SUPT3H: variants seen among roughly 807,000 people sequenced by gnomAD.
SUPT3H encodes the protein SPT3 homolog, SAGA and STAGA complex component.
In SUPT3H, 44 loss-of-function variants were observed where a neutral mutation model predicts 44.3. The observed-to-expected ratio is 0.99, with a 90% CI of 0.78 to 1.28. SUPT3H has a LOEUF of 1.28. Among genes scored for constraint, SUPT3H ranks in the 50% most tolerant of loss-of-function variants. The pLI is 0.00. For synonymous variants in SUPT3H, 124 were observed against 125.6 expected (o/e 0.99, Z 0.09); for missense variants, 380 against 387.1 (o/e 0.98, Z 0.15).
chr6:44,879,634 G>A (rs1777887943), intron 10 of SUPT3H, among the ~76,000 whole-genome samples: 1 of 149,028 alleles, frequency 6.7e-6, no homozygotes, highest in Admixed American at 6.7e-5. Flanking sequence ...CTGACTTGGA[G>A]ACAACTCCCA....
intron 2 of SUPT3H, among the ~76,000 whole-genome samples, chr6:45,133,365 T>C (rs767175680): frequency 6.6e-6 from 1 of 152,226 alleles, no homozygotes; most frequent in Non-Finnish European, 1.5e-5. Flanking sequence ...AAATACAGAA[T>C]ATTCTGATGT....
rs1450103688 is a variant in SUPT3H at position 44,828,480 on chromosome 6, GT to G, written c.*1335del. ...GCCTCATAATTCTTTGAGTCTGATGGTTTTCAAATAAAAAGTCTTGAATTTA... is the reference window on the plus strand; with the variant it reads ...GCCTCATAATTCTTTGAGTCTGATGGTTTCAAATAAAAAGTCTTGAATTTA... On this transcript the variant is annotated 3_prime_UTR_variant, in exon 11 of 11. Transcript: ENST00000371459. 2.0e-5 allele frequency among the ~76,000 whole-genome samples: 3 copies of G among 152,132 alleles called. No homozygotes were observed. In the South Asian group the frequency reaches 6.2e-4, roughly 31 times the overall value.
intron 2 of SUPT3H, among the ~76,000 whole-genome samples, chr6:45,168,700 G>C (rs1316075619): frequency 6.6e-6 from 1 of 152,192 alleles, no homozygotes; most frequent in Non-Finnish European, 1.5e-5. Context: ...ATCTGGGCCA[G>C]AGAAAGTTGG....
At chr6:44,945,872 T>C (rs1177826608) in intron 9 of SUPT3H, among the ~76,000 whole-genome samples, 1 of 152,162 alleles carries the variant, frequency 6.6e-6, no homozygotes, top group Non-Finnish European at 1.5e-5. Context: ...GTAGATGAAA[T>C]GGCTATTAGA....
rs1777963698 is a variant in SUPT3H, at chr6:45,281,086, TA to T, written c.101+84114del. ...ACTTATAAAAGACTGTTTTAGTTTT[TA>T]ATATCTTTAAAAATTTATGAGGGGT... On this transcript the variant is annotated intron_variant, in intron 2 of 10. Coordinates refer to ENST00000371459, the MANE Select transcript of SUPT3H (RefSeq NM_003599.4). Among the ~76,000 whole-genome samples the T allele has an allele frequency of 2.0e-5, 3 of 152,360 alleles. No individual in the cohort carries two copies. In the South Asian group the frequency reaches 6.2e-4, roughly 32 times the overall value.
intron 10 of SUPT3H, among the ~76,000 whole-genome samples, chr6:44,903,107 CACAATTAAA>C (rs1441877578): frequency 6.6e-6 from 1 of 152,082 alleles, no homozygotes; most frequent in Non-Finnish European, 1.5e-5. Context: ...ACCCTAACAT[CACAATTAAA>C]AGAACTAGAG....
intron 10 of SUPT3H, among the ~76,000 whole-genome samples, chr6:44,839,707 T>C (rs980564009): frequency 6.6e-6 from 1 of 152,096 alleles, no homozygotes; most frequent in Non-Finnish European, 1.5e-5. Context: ...CACCAGTTTT[T>C]TTTTTCTTTT....
rs562584404 is a variant in SUPT3H at position 44,872,509 on chromosome 6, G to T, written c.913-42652C>A. ...AGCTCCTGAAGGAAGTGCTAAACAT[G>T]GAAAGGAACAACCGGTACCAGCCAC... is the stretch of plus-strand genomic sequence containing the variant. On this transcript the variant is annotated intron_variant, in intron 10 of 10. Coordinates refer to ENST00000371459, the MANE Select transcript of SUPT3H (RefSeq NM_003599.4). Among the ~76,000 whole-genome samples, 588 of 151,850 alleles carry T rather than the reference G, an allele frequency of 3.9e-3. 6 individuals carry two copies. Among genetic ancestry groups the T allele is most frequent in the African/African-American group, 0.014 (560 of 41,424 alleles).
chr6:44,918,060 A>C (rs1041696575), intron 10 of SUPT3H, among the ~76,000 whole-genome samples: 2 of 152,156 alleles, frequency 1.3e-5, no homozygotes, highest in Non-Finnish European at 2.9e-5. Context: ...GTATCTCTAG[A>C]AAATTAGTTC....
intron 10 of SUPT3H, among the ~76,000 whole-genome samples, chr6:44,900,986 A>T (rs535915310): frequency 6.6e-6 from 1 of 152,346 alleles, no homozygotes; most frequent in South Asian, 2.1e-4. Flanking sequence ...GAAAACTAAC[A>T]AACAGAAGGA....
intron 6 of SUPT3H, among the ~76,000 whole-genome samples, chr6:44,990,687 C>T (rs1780490638): frequency 2.0e-5 from 3 of 152,080 alleles, no homozygotes; most frequent in Non-Finnish European, 4.4e-5. Flanking sequence ...CTTCTTCATC[C>T]ATTCATCTCT....
At chr6:44,900,984 A>G (rs900032259) in intron 10 of SUPT3H, among the ~76,000 whole-genome samples, 6 of 152,208 alleles carry the variant, frequency 3.9e-5, no homozygotes, top group African/African-American at 1.4e-4. Flanking sequence ...AGGAAAACTA[A>G]CAAACAGAAG....
chr6:45,258,165 C>A (rs1317746043), intron 2 of SUPT3H, among the ~76,000 whole-genome samples: 2 of 152,164 alleles, frequency 1.3e-5, no homozygotes, highest in African/African-American at 4.8e-5. Context: ...TCTGTTTAGA[C>A]ACAACTCCAA....
chr6:45,009,504 G>C (rs1403284536), intron 5 of SUPT3H, among the ~76,000 whole-genome samples: 1 of 152,088 alleles, frequency 6.6e-6, no homozygotes, highest in Non-Finnish European at 1.5e-5. Flanking sequence ...TGTTGTTGTA[G>C]GTGCCCAAAT....
At chr6:44,956,716 T>C (rs1775276503) in intron 7 of SUPT3H, among the ~76,000 whole-genome samples, 2 of 152,112 alleles carry the variant, frequency 1.3e-5, no homozygotes, top group Non-Finnish European at 2.9e-5. Context: ...TTGAGTCTTT[T>C]CCTCTGTGTG....
chr6:45,157,835 C>A (rs1223643387), intron 2 of SUPT3H, among the ~76,000 whole-genome samples: 1 of 151,530 alleles, frequency 6.6e-6, no homozygotes, highest in Non-Finnish European at 1.5e-5. Flanking sequence ...AGTGAGCCAC[C>A]GCACCCGGCC....
intron 1 of SUPT3H, among the ~76,000 whole-genome samples, chr6:45,369,095 T>C (rs1345486647): frequency 1.3e-5 from 2 of 152,136 alleles, no homozygotes; most frequent in Admixed American, 1.3e-4. Flanking sequence ...TATATTAATA[T>C]ATGCCCCATT....
At chr6:45,052,976 CAGGT>C (rs1220833412) in intron 3 of SUPT3H, among the ~76,000 whole-genome samples, 1 of 151,236 alleles carries the variant, frequency 6.6e-6, no homozygotes, top group Non-Finnish European at 1.5e-5. Flanking sequence ...GAGAGGAAGA[CAGGT>C]AGAGAGAAGG....
chr6:45,318,263 G>A (rs1473468086), intron 2 of SUPT3H, among the ~76,000 whole-genome samples: 1 of 152,156 alleles, frequency 6.6e-6, no homozygotes, highest in Non-Finnish European at 1.5e-5. Context: ...GGATTGTGGA[G>A]AGAGAAGGAT....
Sources: allele counts gnomAD v4.1 joint callset (sites outside exome capture counted in the v4.1 genomes callset), GRCh38; gene constraint gnomAD v4.1.1; transcripts MANE v1.5; gene names NCBI Gene and HGNC (gene_info 2026-07-23, HGNC 2026-07-21).